The following RAB6A variants were observed in gnomAD, a reference collection of about 807,000 sequenced individuals.
RAB6A encodes RAB6A, member RAS oncogene family, also known as ras-related protein Rab-6A.
RAB6A carries 8 observed loss-of-function variants against 32.3 expected under a neutral mutation model. The observed-to-expected ratio is 0.25, with a 90% CI of 0.15 to 0.45. The LOEUF (loss-of-function observed/expected upper bound fraction) is 0.45, where lower values mean the gene tolerates loss of function less well. Among genes scored for constraint, RAB6A ranks in the 20% least tolerant of loss-of-function variants. The probability of loss-of-function intolerance (pLI) is 1.00; values close to 1 mark genes in which losing one functional copy is unlikely to be tolerated. For missense variants in RAB6A, 104 were observed against 249.4 expected (o/e 0.42, Z 3.93); for synonymous variants, 73 against 82.1 (o/e 0.89, Z 0.60).
At chr11:73,717,157 A>G (rs1946064925) in intron 4 of RAB6A, among the ~76,000 whole-genome samples, 1 of 152,226 alleles carries the variant, frequency 6.6e-6, no homozygotes, top group African/African-American at 2.4e-5. Context: ...GAAAGACTGC[A>G]TATAGCACCT....
At chr11:73,713,118 A>AT (rs1347804814) in intron 5 of RAB6A, among the ~76,000 whole-genome samples, 3 of 152,122 alleles carry the variant, frequency 2.0e-5, no homozygotes, top group African/African-American at 7.2e-5. Flanking sequence ...CTGTAGTGAG[A>AT]TTTTCAACCC....
chr11:73,735,161 A>T (rs1185954468), intron 1 of RAB6A, among the ~76,000 whole-genome samples: 1 of 152,180 alleles, frequency 6.6e-6, no homozygotes, highest in East Asian at 1.9e-4. Context: ...TGCTAATTAC[A>T]CACTCTTGCA....
chr11:73,760,504 C>A, intron 1 of RAB6A, 62 bp downstream of exon 1: 1 of 1,537,150 alleles, frequency 6.5e-7, no homozygotes. Flanking sequence ...GGAAGGGCCG[C>A]ACCGGGGGCG....
At chr11:73,732,338 G>C (rs1165433226) in intron 1 of RAB6A, among the ~76,000 whole-genome samples, 1 of 152,074 alleles carries the variant, frequency 6.6e-6, no homozygotes, top group African/African-American at 2.4e-5. Context: ...TGTAATCCCA[G>C]CACTTTGGGA....
intron 2 of RAB6A, among the ~76,000 whole-genome samples, chr11:73,728,941 T>TA (rs1387101174): frequency 6.6e-6 from 1 of 152,136 alleles, no homozygotes; most frequent in Non-Finnish European, 1.5e-5. Flanking sequence ...CAGTTTTTTT[T>TA]ATTACTAATT....
chr11:73,754,695 G>A (rs1250903226), intron 1 of RAB6A, among the ~76,000 whole-genome samples: 1 of 152,130 alleles, frequency 6.6e-6, no homozygotes, highest in Admixed American at 6.6e-5. Flanking sequence ...AAGGCAAGCA[G>A]GTCACTTGAG....
At chr11:73,753,186 G>T (rs184920800) in intron 1 of RAB6A, among the ~76,000 whole-genome samples, 1 of 152,260 alleles carries the variant, frequency 6.6e-6, no homozygotes, top group Admixed American at 6.5e-5. Flanking sequence ...GGAGCTCGTG[G>T]CTGCAGTGAG....
At chr11:73,708,145 C>A (rs563560310) in intron 5 of RAB6A, among the ~76,000 whole-genome samples, 6 of 152,236 alleles carry the variant, frequency 3.9e-5, no homozygotes, top group African/African-American at 1.4e-4. Flanking sequence ...TTGTGCACTG[C>A]AAATCATTTC....
At chr11:73,704,081 C>T (rs1945793723) in intron 6 of RAB6A, 1 of 228,902 alleles carries the variant, frequency 4.4e-6, no homozygotes, top group South Asian at 4.8e-5. Flanking sequence ...TTGTACAATG[C>T]TATAAATTTA....
At chr11:73,743,056 C>A (rs1946524057) in intron 1 of RAB6A, among the ~76,000 whole-genome samples, 1 of 152,024 alleles carries the variant, frequency 6.6e-6, no homozygotes, top group African/African-American at 2.4e-5. Context: ...GTAATCCCAG[C>A]ACTTTGGGAG....
chr11:73,686,826 T>C (rs1945465465), intron 6 of RAB6A, among the ~76,000 whole-genome samples: 1 of 152,106 alleles, frequency 6.6e-6, no homozygotes, highest in Admixed American at 6.6e-5. Context: ...TACTGCTTCA[T>C]AACATCTATT....
At chr11:73,741,879 C>G (rs1395333991) in intron 1 of RAB6A, among the ~76,000 whole-genome samples, 1 of 152,024 alleles carries the variant, frequency 6.6e-6, no homozygotes, top group South Asian at 2.1e-4. Context: ...AGGTTCACAG[C>G]AAAATTGAGA....
intron 1 of RAB6A, among the ~76,000 whole-genome samples, chr11:73,742,089 C>T (rs999446352): frequency 1.3e-5 from 2 of 151,962 alleles, no homozygotes; most frequent in African/African-American, 4.8e-5. Flanking sequence ...CACGACCAGC[C>T]TGGTCAATAT....
At chr11:73,696,849 C>T (rs1001923282) in intron 6 of RAB6A, among the ~76,000 whole-genome samples, 49 of 151,890 alleles carry the variant, frequency 3.2e-4, no homozygotes, top group African/African-American at 1.2e-3. Context: ...AGCAGTCCTC[C>T]CACCTTGGCC....
intron 6 of RAB6A, among the ~76,000 whole-genome samples, chr11:73,693,274 C>T (rs541338320): frequency 6.6e-5 from 10 of 150,674 alleles, no homozygotes; most frequent in Admixed American, 1.3e-4. Context: ...GATGACAGAG[C>T]AAGACTCCGT....
At chr11:73,728,141 C>T (rs1054907553) in intron 2 of RAB6A, among the ~76,000 whole-genome samples, 4 of 152,128 alleles carry the variant, frequency 2.6e-5, no homozygotes. Flanking sequence ...AAAGTACTTG[C>T]TCTTAAGATT....
At chr11:73,692,692 T>C (rs535921543) in intron 6 of RAB6A, among the ~76,000 whole-genome samples, 28 of 147,394 alleles carry the variant, frequency 1.9e-4, no homozygotes, top group African/African-American at 7.0e-4. Flanking sequence ...GGCTCACGCC[T>C]ATAATCCCAG....
intron 1 of RAB6A, among the ~76,000 whole-genome samples, chr11:73,736,812 A>AAG (rs1946402228): frequency 7.2e-6 from 1 of 138,240 alleles, no homozygotes; most frequent in Non-Finnish European, 1.5e-5. Context: ...AAAAAAAGAA[A>AAG]AAAAAAAAAA....
At chr11:73,695,242 C>T (rs557838717) in intron 6 of RAB6A, among the ~76,000 whole-genome samples, 4 of 152,034 alleles carry the variant, frequency 2.6e-5, no homozygotes, top group African/African-American at 9.6e-5. Flanking sequence ...AAAAGAAAAA[C>T]CTATTTCTTA....
Sources: allele counts gnomAD v4.1 joint callset (sites outside exome capture counted in the v4.1 genomes callset), GRCh38; gene constraint gnomAD v4.1.1; transcripts MANE v1.5; gene names NCBI Gene and HGNC (gene_info 2026-07-23, HGNC 2026-07-21).